MDGA2: variants seen among roughly 807,000 people sequenced by gnomAD.
The protein encoded by MDGA2 is MAM domain containing glycosylphosphatidylinositol anchor 2.
A neutral mutation model predicts 117.8 loss-of-function variants in MDGA2; 40 were observed. The ratio of observed to expected loss-of-function variants is 0.34; its 90% CI spans 0.26 to 0.44. The LOEUF is 0.44. Among genes scored for constraint, MDGA2 ranks in the 20% least tolerant of loss-of-function variants. The probability of loss-of-function intolerance (pLI) is 1.00; values close to 1 mark genes in which losing one functional copy is unlikely to be tolerated. For synonymous variants in MDGA2, 452 were observed against 439.0 expected (o/e 1.03, Z -0.37); for missense variants, 1,123 against 1,250.6 (o/e 0.90, Z 1.54).
chr14:47,191,799 T>C (rs1885122440), intron 3 of MDGA2, among the ~76,000 whole-genome samples: 2 of 152,168 alleles, frequency 1.3e-5, no homozygotes, highest in Non-Finnish European at 2.9e-5. Flanking sequence ...TAATATTGCA[T>C]ATCTACTGTT....
intron 5 of MDGA2, among the ~76,000 whole-genome samples, chr14:47,123,069 T>G (rs563507064): frequency 6.6e-6 from 1 of 152,220 alleles, no homozygotes; most frequent in Admixed American, 6.5e-5. Context: ...CACAGATTAT[T>G]TGATATGGTC....
chr14:47,423,536 A>T (rs570791771), intron 1 of MDGA2, among the ~76,000 whole-genome samples: 1 of 143,136 alleles, frequency 7.0e-6, no homozygotes, highest in East Asian at 2.0e-4. Context: ...ATTTGTACTT[A>T]GTTTCCCCTA....
chr14:47,429,597 T>A (rs1272980419), intron 1 of MDGA2, among the ~76,000 whole-genome samples: 1 of 152,136 alleles, frequency 6.6e-6, no homozygotes, highest in Admixed American at 6.6e-5. Flanking sequence ...TCACATTAGG[T>A]ACAATCTTCA....
At chr14:47,604,340 G>A (rs1213673915) in intron 1 of MDGA2, among the ~76,000 whole-genome samples, 1 of 151,514 alleles carries the variant, frequency 6.6e-6, no homozygotes, top group Admixed American at 6.6e-5. Context: ...TTTAAGAGAT[G>A]GGGTCTTGCT....
intron 2 of MDGA2, among the ~76,000 whole-genome samples, chr14:47,233,962 C>T (rs1886776235): frequency 6.6e-6 from 1 of 152,078 alleles, no homozygotes; most frequent in Admixed American, 6.6e-5. Context: ...AACTATTCAG[C>T]CTGTTTGTTG....
At chr14:47,574,784 G>A (rs1896086208) in intron 1 of MDGA2, among the ~76,000 whole-genome samples, 1 of 152,110 alleles carries the variant, frequency 6.6e-6, no homozygotes, top group South Asian at 2.1e-4. Flanking sequence ...GTTTACAGAT[G>A]GCAAAACTGA....
At chr14:47,596,219 A>G (rs990472515) in intron 1 of MDGA2, among the ~76,000 whole-genome samples, 1 of 152,222 alleles carries the variant, frequency 6.6e-6, no homozygotes, top group African/African-American at 2.4e-5. Flanking sequence ...AATGAAATTT[A>G]AAGTTAAATA....
chr14:47,439,664 T>A (rs931985297), intron 1 of MDGA2, among the ~76,000 whole-genome samples: 2 of 152,114 alleles, frequency 1.3e-5, no homozygotes, highest in African/African-American at 4.8e-5. Flanking sequence ...CCTACAGGGA[T>A]AATGACCGAC....
chr14:47,471,744 A>T (rs1893733012), intron 1 of MDGA2, among the ~76,000 whole-genome samples: 1 of 152,108 alleles, frequency 6.6e-6, no homozygotes, highest in African/African-American at 2.4e-5. Context: ...AAAAAACTCT[A>T]TGAAAGCAAA....
intron 1 of MDGA2, among the ~76,000 whole-genome samples, chr14:47,345,706 T>C (rs1405293033): frequency 6.6e-6 from 1 of 152,084 alleles, no homozygotes; most frequent in Non-Finnish European, 1.5e-5. Flanking sequence ...TGAATTACAA[T>C]GAAGCTTAAA....
chr14:47,472,478 T>C (rs1055862976), intron 1 of MDGA2, among the ~76,000 whole-genome samples: 3 of 152,174 alleles, frequency 2.0e-5, no homozygotes, highest in African/African-American at 4.8e-5. Flanking sequence ...AGAAAAGGTA[T>C]ACTAAAATAC....
chr14:47,150,523 T>C (rs887792183), intron 3 of MDGA2, among the ~76,000 whole-genome samples: 13 of 152,304 alleles, frequency 8.5e-5, no homozygotes, highest in African/African-American at 3.1e-4. Context: ...TTCCTCTGAA[T>C]TCCTCAGAAG....
At chr14:47,463,995 G>A (rs1284814295) in intron 1 of MDGA2, among the ~76,000 whole-genome samples, 1 of 151,872 alleles carries the variant, frequency 6.6e-6, no homozygotes, top group Admixed American at 6.6e-5. Context: ...TTACCAATGG[G>A]TATAATCTAA....
At chr14:47,464,971 C>A (rs1893569784) in intron 1 of MDGA2, among the ~76,000 whole-genome samples, 1 of 152,000 alleles carries the variant, frequency 6.6e-6, no homozygotes, top group Admixed American at 6.6e-5. Context: ...GCCACAGTAA[C>A]CAAAACAGCA....
rs1555349470 is a variant in MDGA2, at chr14:47,072,103, G to GGGGC, written c.1196-10526_1196-10525insGCCC. 4.6e-5 allele frequency among the ~76,000 whole-genome samples: 6 copies of GGGGC among 129,206 alleles called. No homozygotes were observed. The South Asian group carries it at 1.6e-3, about 33-fold the overall frequency. 84.8% of individuals were successfully genotyped at this position (129,206 alleles called of 152,430 possible). A position where few individuals can be genotyped will look rare whatever the true frequency, so the allele number is the denominator to read the frequency against. ...GAAGTTTGTTGGTTGTTGTTGTTTGGGGGGGGGGGGGTTTGCAGGTATTAT... is the reference window on the plus strand; with the variant it reads ...GAAGTTTGTTGGTTGTTGTTGTTTGGGGGCGGGGGGGGGGGTTTGCAGGTATTAT... On this transcript the variant is annotated intron_variant, in intron 6 of 16. Transcript: ENST00000399232.
intron 6 of MDGA2, among the ~76,000 whole-genome samples, chr14:47,074,591 C>T (rs111679411): frequency 0.02 from 3,050 of 152,316 alleles, 104 homozygotes; most frequent in African/African-American, 0.069. Context: ...TGAGCCACCG[C>T]GCCCAGCCCA....
chr14:47,030,595 A>C (rs1888629799), intron 8 of MDGA2, among the ~76,000 whole-genome samples: 2 of 152,292 alleles, frequency 1.3e-5, no homozygotes, highest in Non-Finnish European at 2.9e-5. Context: ...AAATACTATG[A>C]ATAAATTAAT....
At chr14:47,594,622 CT>C (rs1896501650) in intron 1 of MDGA2, among the ~76,000 whole-genome samples, 1 of 152,198 alleles carries the variant, frequency 6.6e-6, no homozygotes, top group South Asian at 2.1e-4. Context: ...TGCTGGTATT[CT>C]CAGAAGTCAG....
intron 1 of MDGA2, among the ~76,000 whole-genome samples, chr14:47,589,297 A>C (rs1394065648): frequency 6.6e-6 from 1 of 151,966 alleles, no homozygotes; most frequent in Non-Finnish European, 1.5e-5. Context: ...TTTCTTCTAA[A>C]AGTTGTATAG....
Sources: allele counts gnomAD v4.1 joint callset (sites outside exome capture counted in the v4.1 genomes callset), GRCh38; gene constraint gnomAD v4.1.1; transcripts MANE v1.5; gene names NCBI Gene and HGNC (gene_info 2026-07-23, HGNC 2026-07-21).